Variants in PPM1H observed in about 807,000 individuals in gnomAD.
PPM1H encodes protein phosphatase, Mg2+/Mn2+ dependent 1H, also known as protein phosphatase 1H.
Under a neutral mutation model 54.9 loss-of-function variants are expected in PPM1H, and 27 were observed. That is an observed-to-expected ratio of 0.49 (90% CI 0.36 to 0.68). The LOEUF (loss-of-function observed/expected upper bound fraction) is 0.68, where lower values mean the gene tolerates loss of function less well. Among genes scored for constraint, PPM1H ranks in the 30% least tolerant of loss-of-function variants. The pLI is 0.00. For missense variants in PPM1H, 596 were observed against 667.8 expected (o/e 0.89, Z 1.19); for synonymous variants, 305 against 270.8 (o/e 1.13, Z -1.24).
chr12:62,934,611 C>A lies in PPM1H; in HGVS notation c.126G>T (p.Gly42=). ...GAGACAGCCCCAGGAACTCTGGCCG[C>A]CCGTAGGGGAAACGCAGGGGCAGGT... The part of the protein sequence containing the change: ...GSDLPLRFPY[G]RPEFLGLSQD... Residue 42 remains glycine, a synonymous_variant, in exon 1 of 10, where the codon GGG becomes GGT. Coordinates refer to ENST00000228705, the MANE Select transcript of PPM1H (RefSeq NM_020700.2). The surrounding 1 kb of genome is among the most constrained non-coding windows in gnomAD (Gnocchi z 4.2). 6.3e-7 allele frequency: 1 copy of A among 1,582,624 alleles called. No individual in the cohort carries two copies. The highest frequency in any genetic ancestry group is 8.6e-7 in the Non-Finnish European group (1 of 1,165,520).
rs1471682907 is a variant in PPM1H, at chr12:62,677,776, T to G, written c.1246-10447A>C. ...AAAGATGCCACCAGCCACAGTGGTT[T>G]CCGGCTGGTGAAGCAACACGGTAAG... On this transcript the variant is annotated intron_variant, in intron 8 of 9. Transcript: ENST00000228705. Among the ~76,000 whole-genome samples the G allele has an allele frequency of 2.0e-5, 3 of 152,194 alleles. No homozygotes were observed. The East Asian group carries it at 5.8e-4, about 29-fold the overall frequency.
rs948995706 is a variant in PPM1H, at chr12:62,735,378, AT to A, written c.954+2123del. Among the ~76,000 whole-genome samples, 54 of 150,422 alleles carry A rather than the reference AT, an allele frequency of 3.6e-4. 1 individual carries two copies. Among genetic ancestry groups the A allele is most frequent in the African/African-American group, 1.3e-3 (52 of 40,908 alleles). Reference sequence around the variant, plus strand: ...AGGCACACATCACCATGCCTGGCTAATTTTTTTTTGGATTTGTTTTGTAGAG... The same window carrying A: ...AGGCACACATCACCATGCCTGGCTAATTTTTTTTGGATTTGTTTTGTAGAG... On this transcript the variant is annotated intron_variant, in intron 5 of 9. Coordinates refer to ENST00000228705, the MANE Select transcript of PPM1H (RefSeq NM_020700.2).
rs1430791212 is a variant in PPM1H, at chr12:62,673,907, G to A, written c.1246-6578C>T. 2.6e-5 allele frequency among the ~76,000 whole-genome samples: 4 copies of A among 151,038 alleles called. 1 individual carries two copies. In the East Asian group the frequency reaches 7.8e-4, roughly 29 times the overall value. On this transcript the variant is annotated intron_variant, in intron 8 of 9. Coordinates refer to ENST00000228705, the MANE Select transcript of PPM1H (RefSeq NM_020700.2). ...ATACTTTTTTACTTTTTGTAGAGAC[G>A]AGTTTCATCATGTTTCTCAGGCTGA... is the stretch of plus-strand genomic sequence containing the variant.
At chr12:62,759,250 C>A (rs1294560533) in intron 4 of PPM1H, among the ~76,000 whole-genome samples, 1 of 152,192 alleles carries the variant, frequency 6.6e-6, no homozygotes, top group African/African-American at 2.4e-5. Flanking sequence ...GGAGACCAGT[C>A]CCCTGTCCTC....
intron 1 of PPM1H, among the ~76,000 whole-genome samples, chr12:62,902,993 T>A (rs1565824571): frequency 6.6e-6 from 1 of 152,166 alleles, no homozygotes. Context: ...TCACTGCTTT[T>A]TTACAAGGTA....
rs1868596134 is a variant in PPM1H at position 62,838,725 on chromosome 12, TC to T, written c.246-6447del. Among the ~76,000 whole-genome samples the T allele has an allele frequency of 1.9e-5, 2 of 104,378 alleles. 1 individual carries two copies. The highest frequency in any genetic ancestry group is 3.9e-5 in the Non-Finnish European group (2 of 51,196). 68.5% of individuals were successfully genotyped at this position (104,378 alleles called of 152,430 possible). A position where few individuals can be genotyped will look rare whatever the true frequency, so the allele number is the denominator to read the frequency against. On this transcript the variant is annotated intron_variant, in intron 1 of 9. Coordinates refer to ENST00000228705, the MANE Select transcript of PPM1H (RefSeq NM_020700.2). ...TCACGAGGTCAGGAGATCGAGACCA[TC>T]CTGGCTAACACGGTGAAACCCCGTC...
chr12:62,723,194 G>A (rs1366802870), intron 5 of PPM1H, among the ~76,000 whole-genome samples: 1 of 151,982 alleles, frequency 6.6e-6, no homozygotes. Flanking sequence ...AGCATCACAA[G>A]AGAGTATCAT....
intron 2 of PPM1H, among the ~76,000 whole-genome samples, chr12:62,804,866 G>A (rs372674897): frequency 4.6e-5 from 7 of 151,118 alleles, no homozygotes; most frequent in African/African-American, 7.3e-5. Flanking sequence ...TAGTAGAGAC[G>A]GGGTTTCACC....
intron 1 of PPM1H, among the ~76,000 whole-genome samples, chr12:62,860,609 C>T (rs11174698): frequency 0.3 from 45,690 of 151,972 alleles, 7,217 homozygotes; most frequent in East Asian, 0.55. Flanking sequence ...CCAAGTTGTC[C>T]AAGGTCATAT....
At chr12:62,880,934 C>T (rs570626688) in intron 1 of PPM1H, among the ~76,000 whole-genome samples, 13 of 152,250 alleles carry the variant, frequency 8.5e-5, no homozygotes, top group African/African-American at 2.2e-4. Context: ...CTTGGACCCA[C>T]GTTCGTGAGC....
chr12:62,699,844 G>A (rs896870437), intron 6 of PPM1H, among the ~76,000 whole-genome samples: 19 of 152,208 alleles, frequency 1.2e-4, no homozygotes, highest in African/African-American at 4.3e-4. Context: ...CCCAATCTAG[G>A]AACCTTACCC....
rs546179034 is a variant in PPM1H, at chr12:62,925,470, C to T, written c.245+9022G>A. 2.0e-5 allele frequency among the ~76,000 whole-genome samples: 3 copies of T among 152,162 alleles called. No individual in the cohort carries two copies. In the East Asian group the frequency reaches 5.8e-4, roughly 29 times the overall value. On this transcript the variant is annotated intron_variant, in intron 1 of 9. Coordinates refer to ENST00000228705, the MANE Select transcript of PPM1H (RefSeq NM_020700.2). ...GCATGTGCCTGTAGTCATAGCTACT[C>T]GGGAGGCTGAGGCATGAGAATTGCT...
chr12:62,655,874 C>T (rs1227707730), intron 9 of PPM1H, among the ~76,000 whole-genome samples: 1 of 152,182 alleles, frequency 6.6e-6, no homozygotes, highest in East Asian at 1.9e-4. Context: ...CATTTTTCTT[C>T]TCTAGCTGAA....
chr12:62,808,359 C>T (rs2076817300), intron 2 of PPM1H, among the ~76,000 whole-genome samples: 1 of 151,460 alleles, frequency 6.6e-6, no homozygotes, highest in South Asian at 2.1e-4. Context: ...AACCTCTATG[C>T]TAAGGTGACC....
intron 4 of PPM1H, among the ~76,000 whole-genome samples, chr12:62,738,523 A>G (rs2076363188): frequency 6.6e-6 from 1 of 152,190 alleles, no homozygotes; most frequent in Admixed American, 6.5e-5. Flanking sequence ...ACCATGAGCA[A>G]CCTTTCCTGG....
chr12:62,644,688 C>G lies in PPM1H; in HGVS notation c.*3801G>C, dbSNP rs2075775482. 1 of 152,238 alleles carries G rather than the reference C, an allele frequency of 6.6e-6. No homozygotes were observed. The highest frequency in any genetic ancestry group is 6.5e-5 in the Admixed American group (1 of 15,290). The allele number at this position is 152,238 out of a possible 1,614,324, so 9.4% of individuals were successfully genotyped here. On this transcript the variant is annotated 3_prime_UTR_variant, in exon 10 of 10. Coordinates refer to ENST00000228705, the MANE Select transcript of PPM1H (RefSeq NM_020700.2). ...AGTGTACAAACATGTGCCACGTCAC[C>G]ACACAAAACCAAAGTCTGCTCAGAG...
At chr12:62,741,170 G>T (rs935596815) in intron 4 of PPM1H, among the ~76,000 whole-genome samples, 2 of 152,106 alleles carry the variant, frequency 1.3e-5, no homozygotes, top group African/African-American at 4.8e-5. Flanking sequence ...CAGAAGACAG[G>T]CAGCCATTCT....
Position 62,693,983 on chromosome 12 carries a change from C to G in PPM1H, c.1090G>C (p.Glu364Gln), listed in dbSNP as rs368717089. 6.2e-7 allele frequency: 1 copy of G among 1,612,904 alleles called. No individual in the cohort carries two copies. The highest frequency in any genetic ancestry group is 8.5e-7 in the Non-Finnish European group (1 of 1,179,554). The change falls in exon 7 of 10, where the codon GAG becomes CAG. Residue 364 changes from glutamate to glutamine, a missense_variant. Glu to Gln is a conservative substitution (Grantham distance 29). Coordinates refer to ENST00000228705, the MANE Select transcript of PPM1H (RefSeq NM_020700.2). ...NMTGWAYKTIEDEDLKFPLIY... is the reference protein window; with the variant it reads ...NMTGWAYKTIQDEDLKFPLIY... ...AGGGGGAACTTCAAGTCCTCATCCT[C>G]AATGGTTTTGTATGCCCTGTAGGGG...
intron 2 of PPM1H, among the ~76,000 whole-genome samples, chr12:62,806,231 A>ACTAG (rs1353685437): frequency 6.6e-6 from 1 of 152,104 alleles, no homozygotes; most frequent in Non-Finnish European, 1.5e-5. Context: ...ATGCTAGAAG[A>ACTAG]CACTGAGTAG....
Sources: allele counts gnomAD v4.1 joint callset (sites outside exome capture counted in the v4.1 genomes callset), GRCh38; gene constraint gnomAD v4.1.1; non-coding constraint Gnocchi (gnomAD v3.1); transcripts MANE v1.5; gene names NCBI Gene and HGNC (gene_info 2026-07-23, HGNC 2026-07-21).